SLC39A12: variants seen among roughly 807,000 people sequenced by gnomAD.
SLC39A12 encodes the protein solute carrier family 39 member 12.
In SLC39A12, 63 loss-of-function variants were observed where a neutral mutation model predicts 71.1. That is an observed-to-expected ratio of 0.89 (90% confidence interval 0.72 to 1.09). The LOEUF is 1.09. Ranked by LOEUF, SLC39A12 falls within the 50% of genes least tolerant of loss-of-function variation. SLC39A12 has a pLI of 0.00. For missense variants in SLC39A12, 892 were observed against 812.6 expected (o/e 1.10, Z -1.19); for synonymous variants, 351 against 301.3 (o/e 1.16, Z -1.71).
intron 12 of SLC39A12, among the ~76,000 whole-genome samples, chr10:18,007,677 C>G (rs758460879): frequency 6.6e-5 from 10 of 152,326 alleles, no homozygotes; most frequent in South Asian, 2.1e-4. Flanking sequence ...ATTCCCCCCC[C>G]TTTTTAGACC....
At chr10:17,984,782 A>T (rs913808854) in intron 6 of SLC39A12, among the ~76,000 whole-genome samples, 9 of 152,354 alleles carry the variant, frequency 5.9e-5, no homozygotes, top group African/African-American at 2.2e-4. Flanking sequence ...TAGATAATAG[A>T]ACTTTTTCAT....
At chr10:17,986,126 T>C (rs1589232206) in intron 6 of SLC39A12, among the ~76,000 whole-genome samples, 1 of 152,336 alleles carries the variant, frequency 6.6e-6, no homozygotes, top group East Asian at 1.9e-4. Flanking sequence ...ATGTAACAGC[T>C]AGTCTTTTCG....
At chr10:17,995,785 A>G in intron 10 of SLC39A12, 63 bp downstream of exon 10, 1 of 1,421,388 alleles carries the variant, frequency 7.0e-7, no homozygotes, top group Admixed American at 2.0e-5. Context: ...TGTCTGTTTT[A>G]AAATAAAATG....
At chr10:17,985,644 G>T (rs985625371) in intron 6 of SLC39A12, among the ~76,000 whole-genome samples, 2 of 152,036 alleles carry the variant, frequency 1.3e-5, no homozygotes, top group Non-Finnish European at 2.9e-5. Flanking sequence ...ATAAGCATTT[G>T]CTTTGAGTAT....
intron 4 of SLC39A12, among the ~76,000 whole-genome samples, chr10:17,969,799 C>T (rs540054189): frequency 1.3e-5 from 2 of 152,130 alleles, no homozygotes; most frequent in Non-Finnish European, 1.5e-5. Context: ...TGTGATCCCA[C>T]TTGTCCACTT....
At chr10:18,001,757 C>T (rs142820913) in intron 11 of SLC39A12, 66 of 152,066 alleles carry the variant, frequency 4.3e-4, no homozygotes, top group African/African-American at 1.3e-3. Flanking sequence ...GTATGTAATG[C>T]GTAAGAATCA....
At chr10:17,989,609 T>A (rs1266021580) in intron 7 of SLC39A12, among the ~76,000 whole-genome samples, 1 of 16,330 alleles carries the variant, frequency 6.1e-5, no homozygotes, top group Non-Finnish European at 2.0e-4. Flanking sequence ...TGTAGACAGT[T>A]TTTTTTTTGC....
At chr10:17,953,851 T>A (rs1309469843) in intron 2 of SLC39A12, among the ~76,000 whole-genome samples, 1 of 152,256 alleles carries the variant, frequency 6.6e-6, no homozygotes, top group Non-Finnish European at 1.5e-5. Context: ...AATCTTTTCT[T>A]AAAGCCTTCA....
At position 17,961,586 on chromosome 10, in the gene SLC39A12, T is replaced by C. The variant is rs1554848375; in HGVS notation, c.267T>C (p.Phe89=). 1.2e-6 allele frequency: 2 copies of C among 1,609,056 alleles called. No individual in the cohort carries two copies. The highest frequency in any genetic ancestry group is 1.7e-6 in the Non-Finnish European group (2 of 1,178,652). The change falls in exon 3 of 13, where the codon TTT becomes TTC. Residue 89 remains phenylalanine, a synonymous_variant. Transcript: ENST00000377369. ...GTTATTGTTTTCTTCCACAGTGCTT[T>C]GAACCAGATGCACTATTACTAATAG... The part of the protein sequence containing the change: ...NGMQGDCNLC[F]EPDALLLIAG...
Position 17,993,141 on chromosome 10 carries a change from C to A in SLC39A12, c.1423-40C>A, listed in dbSNP as rs372587395. ...CATTGACAAAGACTACACCTGTGTT[C>A]TTCTGGCTTCAACACTAATTTTAAA... On this transcript the variant is annotated intron_variant, in intron 8 of 12. Transcript: ENST00000377369. 2.4e-4 allele frequency: 344 copies of A among 1,433,444 alleles called. 2 individuals are homozygous for A. The Middle Eastern group carries it at 4.0e-3, about 17-fold the overall frequency. The allele number at this position is 1,433,444 out of a possible 1,614,324, so 88.8% of individuals were successfully genotyped here.
At chr10:18,026,657 G>A (rs1836686100) in intron 12 of SLC39A12, among the ~76,000 whole-genome samples, 1 of 151,870 alleles carries the variant, frequency 6.6e-6, no homozygotes, top group Admixed American at 6.6e-5. Context: ...AATATGTTAT[G>A]CCTTTTGTAG....
chr10:18,030,687 T>A (rs1258303098), intron 12 of SLC39A12, among the ~76,000 whole-genome samples: 4 of 151,300 alleles, frequency 2.6e-5, no homozygotes. Context: ...CATGTGCACA[T>A]TGTGCAGGTT....
intron 7 of SLC39A12, among the ~76,000 whole-genome samples, chr10:17,988,186 T>G (rs573584527): frequency 6.6e-6 from 1 of 152,286 alleles, no homozygotes; most frequent in South Asian, 2.1e-4. Flanking sequence ...CATGCGTCTG[T>G]AATCCTAGCT....
chr10:18,021,196 A>C (rs1196984168), intron 12 of SLC39A12, among the ~76,000 whole-genome samples: 2 of 151,980 alleles, frequency 1.3e-5, no homozygotes, highest in African/African-American at 4.8e-5. Context: ...ATGGCTAACC[A>C]GTCATCCCAG....
chr10:17,984,645 T>G (rs1463077455), intron 6 of SLC39A12, among the ~76,000 whole-genome samples: 1 of 152,204 alleles, frequency 6.6e-6, no homozygotes, highest in Non-Finnish European at 1.5e-5. Context: ...ATAACATGAG[T>G]ATTTTTGTTA....
intron 4 of SLC39A12, 107 bp downstream of exon 4, chr10:17,965,797 T>A: frequency 1.1e-6 from 1 of 877,670 alleles, no homozygotes; most frequent in Non-Finnish European, 1.7e-6. Context: ...AGGTATGTTT[T>A]AAATACCATT....
intron 12 of SLC39A12, chr10:18,007,264 A>C (rs1836052558): frequency 6.6e-6 from 1 of 152,158 alleles, no homozygotes; most frequent in Non-Finnish European, 1.5e-5. Context: ...TTAGGTCTTC[A>C]ATGAAGGATC....
rs1589218424 is a variant in SLC39A12, at chr10:17,959,797, T to G, written c.262-1784T>G. ...TCCGAATCCCTTATGTCAAGTAAAC[T>G]TCTCAGATTGCAGGAGCTGGGCATG... On this transcript the variant is annotated intron_variant, in intron 2 of 12. Transcript: ENST00000377369. 2.0e-5 allele frequency among the ~76,000 whole-genome samples: 3 copies of G among 152,276 alleles called. No individual in the cohort carries two copies. In the South Asian group the frequency reaches 6.2e-4, roughly 32 times the overall value.
intron 10 of SLC39A12, among the ~76,000 whole-genome samples, chr10:17,996,961 G>C (rs982188617): frequency 4.1e-5 from 6 of 146,710 alleles, no homozygotes; most frequent in Non-Finnish European, 5.9e-5. Flanking sequence ...CTTGCAGTGA[G>C]CCGAGATCGC....
Sources: gnomAD v4.1 joint callset for allele counts (sites outside exome capture counted in the v4.1 genomes callset) on GRCh38, gnomAD v4.1.1 for gene constraint, MANE v1.5 for transcripts, NCBI Gene and HGNC (gene_info 2026-07-23, HGNC 2026-07-21) for gene names.